FAM216B: variants seen among roughly 807,000 people sequenced by gnomAD.
FAM216B encodes family with sequence similarity 216 member B.
Under a neutral mutation model 12.9 loss-of-function variants are expected in FAM216B, and 11 were observed. The ratio of observed to expected loss-of-function variants is 0.86; its 90% CI spans 0.54 to 1.42. The LOEUF (loss-of-function observed/expected upper bound fraction) is 1.42, where lower values mean the gene tolerates loss of function less well. Ranked by LOEUF, FAM216B falls within the 40% of genes most tolerant of loss-of-function variation. The pLI is 0.00. For synonymous variants in FAM216B, 52 were observed against 57.2 expected (o/e 0.91, Z 0.41); for missense variants, 167 against 162.9 (o/e 1.02, Z -0.14).
At position 42,789,309 on chromosome 13, in the gene FAM216B, T is replaced by C. The variant is rs1874220188; in HGVS notation, c.*519T>C. 6.6e-6 allele frequency: 1 copy of C among 152,666 alleles called. No individual in the cohort carries two copies. Among genetic ancestry groups the C allele is most frequent in the Non-Finnish European group, 1.5e-5 (1 of 68,416 alleles). 9.5% of individuals were successfully genotyped at this position (152,666 alleles called of 1,614,324 possible). A position where few individuals can be genotyped will look rare whatever the true frequency, so the allele number is the denominator to read the frequency against. On this transcript the variant is annotated 3_prime_UTR_variant, in exon 4 of 4. Transcript: ENST00000313851. ...GCATTTAATTTAGCCCCAAAGCTCT[T>C]CTAGTTCTCACCTGGCTTGATCACT...
chr13:42,784,031 C>T, intron 1 of FAM216B, 23 bp from the exon 2 acceptor site: 1 of 1,507,008 alleles, frequency 6.6e-7, no homozygotes, highest in Non-Finnish European at 9.0e-7. Flanking sequence ...AAATTTTATG[C>T]TATGCTTTGT....
chr13:42,785,564 C>G (rs1874053167), intron 2 of FAM216B, among the ~76,000 whole-genome samples: 2 of 152,172 alleles, frequency 1.3e-5, no homozygotes, highest in Non-Finnish European at 2.9e-5. Context: ...TCTCATAGGA[C>G]TGTTGAAACT....
Position 42,784,054 on chromosome 13 carries a change from G to A in FAM216B, c.-14G>A, listed in dbSNP as rs774764797. The A allele has an allele frequency of 2.5e-6, 4 of 1,584,116 alleles. No individual in the cohort carries two copies. The highest frequency in any genetic ancestry group is 3.4e-6 in the Non-Finnish European group (4 of 1,167,646). Reference sequence around the variant, plus strand: ...TGCTATGCTTTGTTGTTTCTTGGAGGTATAGGATAAACGATGGGACAAAAC... The same window carrying A: ...TGCTATGCTTTGTTGTTTCTTGGAGATATAGGATAAACGATGGGACAAAAC... On this transcript the variant is annotated splice_region_variant and 5_prime_UTR_variant, in exon 2 of 4. Transcript: ENST00000313851.
Position 42,788,692 on chromosome 13 carries a change from A to C in FAM216B, c.322A>C (p.Lys108Gln). The change falls in exon 4 of 4, where the codon AAA becomes CAA. Residue 108 changes from lysine (K) to glutamine (Q), a missense_variant. Lys to Gln is a moderately conservative substitution (Grantham distance 53). Coordinates refer to ENST00000313851, the MANE Select transcript of FAM216B (RefSeq NM_001318932.2). The stretch of plus-strand genomic sequence containing the variant: ...AGCTCCTCAAAGAACCATTCCCCGG[A>C]AAACTTCAGCCATGACAAGAAGATG... ...KVAPQRTIPR[K>Q]TSAMTRRCPS... 1 of 1,613,984 alleles carries C rather than the reference A, an allele frequency of 6.2e-7. No individual in the cohort carries two copies. The highest frequency in any genetic ancestry group is 8.5e-7 in the Non-Finnish European group (1 of 1,179,892).
rs367879382 is a variant in FAM216B at position 42,784,102 on chromosome 13, G to C, written c.35G>C (p.Trp12Ser). The change falls in exon 2 of 4, where the codon TGG becomes TCG. Residue 12 changes from tryptophan to serine, a missense_variant. Coordinates refer to ENST00000313851, the MANE Select transcript of FAM216B (RefSeq NM_001318932.2). ...AACTGGAAAAGACAACAAAAGCTTT[G>C]GAATGTTCCACAACTTCCTTTTATT... Reference protein sequence around the residue: ...GQNWKRQQKLWNVPQLPFIRV... With the variant: ...GQNWKRQQKLSNVPQLPFIRV... 3.7e-6 allele frequency: 6 copies of C among 1,602,478 alleles called. No individual in the cohort carries two copies. Among genetic ancestry groups the C allele is most frequent in the Non-Finnish European group, 5.1e-6 (6 of 1,174,268 alleles).
chr13:42,784,180 T>TTTTTTC lies in FAM216B; in HGVS notation c.99+19_99+20insCTTTTT. ...TCCTTACTAAAGGTATGGCTTTTTT[T>TTTTTTC]TTTTTTTTTTTTTCACAGATAGAGT... On this transcript the variant is annotated intron_variant, in intron 2 of 3. Transcript: ENST00000313851. The TTTTTTC allele has an allele frequency of 6.5e-7, 1 of 1,530,818 alleles. No individual in the cohort carries two copies. Among genetic ancestry groups the TTTTTTC allele is most frequent in the African/African-American group, 1.4e-5 (1 of 69,988 alleles). 94.8% of individuals were successfully genotyped at this position (1,530,818 alleles called of 1,614,324 possible). A position where few individuals can be genotyped will look rare whatever the true frequency, so the allele number is the denominator to read the frequency against.
chr13:42,783,665 A>T (rs1472145220), intron 1 of FAM216B, among the ~76,000 whole-genome samples: 2 of 152,070 alleles, frequency 1.3e-5, no homozygotes, highest in Non-Finnish European at 2.9e-5. Context: ...AATTTTTCCA[A>T]ATCTTCCAAA....
chr13:42,784,250 T>C, intron 2 of FAM216B, 84 bp downstream of exon 2: 5 of 976,826 alleles, frequency 5.1e-6, no homozygotes, highest in Non-Finnish European at 7.5e-6. Context: ...TTTTCTGCTG[T>C]CTTTGTTTAC....
At chr13:42,785,005 G>C (rs561862748) in intron 2 of FAM216B, among the ~76,000 whole-genome samples, 2 of 152,152 alleles carry the variant, frequency 1.3e-5, no homozygotes, top group South Asian at 4.1e-4. Flanking sequence ...TTTCTGCTTT[G>C]TAAAATAAAA....
intron 1 of FAM216B, 139 bp from the exon 2 acceptor site, chr13:42,783,915 T>A: frequency 2.1e-6 from 1 of 472,014 alleles, no homozygotes. Flanking sequence ...TACTTGGAAA[T>A]GTGAGCAAAT....
At chr13:42,784,208 CCTGT>C in intron 2 of FAM216B, 42 bp downstream of exon 2, 1 of 1,252,612 alleles carries the variant, frequency 8.0e-7, no homozygotes, top group Non-Finnish European at 1.1e-6. Context: ...GATAGAGTGA[CCTGT>C]CTGTCTCTCC....
In FAM216B at chr13:42,790,095, CAA is replaced by C. The variant is rs2138038946; in HGVS notation, c.*1307_*1308del. 6.6e-6 allele frequency: 1 copy of C among 152,264 alleles called. No homozygotes were observed. Among genetic ancestry groups the C allele is most frequent in the South Asian group, 2.1e-4 (1 of 4,820 alleles). The allele number at this position is 152,264 out of a possible 1,614,324, so 9.4% of individuals were successfully genotyped here. A position where few individuals can be genotyped will look rare whatever the true frequency, so the allele number is the denominator to read the frequency against. On this transcript the variant is annotated 3_prime_UTR_variant, in exon 4 of 4. Transcript: ENST00000313851. ...TCATAAAGAAGCTTCTTGACCTCTG[CAA>C]ATTCTGGCCCTGACATGTATTCTAA... is the stretch of plus-strand genomic sequence containing the variant.
At position 42,788,816 on chromosome 13, in the gene FAM216B, GAAGTTTGCCCATGT is replaced by G; in HGVS notation, c.*28_*41del. The G allele has an allele frequency of 6.3e-7, 1 of 1,591,622 alleles. No individual in the cohort carries two copies. The highest frequency in any genetic ancestry group is 1.1e-5 in the South Asian group (1 of 87,700). ...GACTTGGCAGCATTTTCAGAAACAG[GAAGTTTGCCCATGT>G]ATCCCTGGTATCTAGTGGGTGCTTT... On this transcript the variant is annotated 3_prime_UTR_variant, in exon 4 of 4. Coordinates refer to ENST00000313851, the MANE Select transcript of FAM216B (RefSeq NM_001318932.2).
At chr13:42,782,172 C>T (rs184213499) in intron 1 of FAM216B, among the ~76,000 whole-genome samples, 1 of 152,160 alleles carries the variant, frequency 6.6e-6, no homozygotes, top group Non-Finnish European at 1.5e-5. Flanking sequence ...AAGAATGGAA[C>T]CTTCGATGTG....
intron 2 of FAM216B, among the ~76,000 whole-genome samples, chr13:42,784,875 T>G: frequency 6.6e-6 from 1 of 151,372 alleles, no homozygotes; most frequent in East Asian, 1.9e-4. Context: ...AAAAAAAAAT[T>G]TTCAGTTCTC....
Position 42,789,746 on chromosome 13 carries a change from C to A in FAM216B, c.*956C>A, listed in dbSNP as rs1375842275. 1 of 151,798 alleles carries A rather than the reference C, an allele frequency of 6.6e-6. No homozygotes were observed. The highest frequency in any genetic ancestry group is 2.4e-5 in the African/African-American group (1 of 41,272). 9.4% of individuals were successfully genotyped at this position (151,798 alleles called of 1,614,324 possible). ...TCCTCATCATTGTAAAATACGTCAC[C>A]CCATTCAAATCAGCTGATGCCTATG... On this transcript the variant is annotated 3_prime_UTR_variant, in exon 4 of 4. Coordinates refer to ENST00000313851, the MANE Select transcript of FAM216B (RefSeq NM_001318932.2).
chr13:42,785,629 T>C (rs1304551780), intron 2 of FAM216B, among the ~76,000 whole-genome samples: 2 of 152,238 alleles, frequency 1.3e-5, no homozygotes, highest in Admixed American at 6.5e-5. Flanking sequence ...GCACCGTATA[T>C]AATGAACACT....
chr13:42,786,401 A>G (rs1028815791), intron 2 of FAM216B, among the ~76,000 whole-genome samples: 2 of 152,174 alleles, frequency 1.3e-5, no homozygotes, highest in Admixed American at 6.5e-5. Flanking sequence ...AAAATTTTCT[A>G]CCAGTCCAGA....
At chr13:42,783,548 T>A (rs966300563) in intron 1 of FAM216B, among the ~76,000 whole-genome samples, 22 of 152,132 alleles carry the variant, frequency 1.4e-4, no homozygotes, top group African/African-American at 5.1e-4. Flanking sequence ...TTTAAGCATC[T>A]TGTGGGCACT....
Sources: gnomAD v4.1 joint callset for allele counts (sites outside exome capture counted in the v4.1 genomes callset) on GRCh38, gnomAD v4.1.1 for gene constraint, MANE v1.5 for transcripts, NCBI Gene and HGNC (gene_info 2026-07-23, HGNC 2026-07-21) for gene names.